Variants in DIAPH2 observed in about 807,000 individuals in gnomAD.
DIAPH2 encodes protein diaphanous homolog 2.
DIAPH2 carries 35 observed loss-of-function variants against 92.7 expected under a neutral mutation model. The observed-to-expected ratio is 0.38, with a 90% CI of 0.29 to 0.50. DIAPH2 has a LOEUF of 0.50. DIAPH2 is among the 20% of genes least tolerant of loss of function. The pLI, the probability that DIAPH2 is intolerant of heterozygous loss-of-function variation, is 0.94. For missense variants in DIAPH2, 701 were observed against 819.5 expected (o/e 0.86, Z 1.77); for synonymous variants, 301 against 280.4 (o/e 1.07, Z -0.73).
intron 23 of DIAPH2, among the ~76,000 whole-genome samples, chrX:97,277,804 G>C (rs1029961991): frequency 7.1e-5 from 8 of 112,075 alleles, no homozygotes; most frequent in Non-Finnish European, 1.3e-4. Context: ...TTGTAGAAAT[G>C]ACTATAGCCG....
chrX:97,304,797 A>G (rs1360717320), intron 23 of DIAPH2, among the ~76,000 whole-genome samples: 4 of 112,278 alleles, frequency 3.6e-5, no homozygotes, highest in East Asian at 2.8e-4. Context: ...AGTCATTGCA[A>G]TGTTGTAAAG....
chrX:97,066,015 C>A (rs1469552959), intron 17 of DIAPH2, among the ~76,000 whole-genome samples: 4 of 111,792 alleles, frequency 3.6e-5, no homozygotes, highest in Non-Finnish European at 7.5e-5. Context: ...AGTGTGATTA[C>A]AAGAGTCAAA....
intron 14 of DIAPH2, among the ~76,000 whole-genome samples, chrX:96,948,149 A>G (rs931632044): frequency 1.8e-5 from 2 of 112,742 alleles, no homozygotes; most frequent in Admixed American, 9.4e-5. Context: ...AACAATTCCA[A>G]TTTGTATTAA....
At chrX:97,463,187 A>T (rs1409445632) in intron 26 of DIAPH2, among the ~76,000 whole-genome samples, 1 of 108,628 alleles carries the variant, frequency 9.2e-6, no homozygotes, top group Non-Finnish European at 1.9e-5. Context: ...GACTTCACTT[A>T]TCCTCATCTA....
At chrX:97,445,932 A>G (rs1394173754) in intron 26 of DIAPH2, among the ~76,000 whole-genome samples, 2 of 109,685 alleles carry the variant, frequency 1.8e-5, no homozygotes, top group African/African-American at 6.6e-5. Flanking sequence ...ACCAAGAGCG[A>G]CGATACACAT....
At chrX:97,490,568 G>A (rs2070718854) in intron 26 of DIAPH2, among the ~76,000 whole-genome samples, 1 of 106,337 alleles carries the variant, frequency 9.4e-6, no homozygotes. Flanking sequence ...TCTTAGAATT[G>A]CTTTTGCTCT....
At chrX:97,129,089 ATCTTT>A (rs771560890) in intron 21 of DIAPH2, among the ~76,000 whole-genome samples, 885 of 64,354 alleles carry the variant, frequency 0.014, 21 homozygotes, top group Middle Eastern at 0.04. Context: ...TGTCTATACC[ATCTTT>A]TCTTTTCTTT....
At chrX:96,715,328 G>A (rs2147540842) in intron 1 of DIAPH2, among the ~76,000 whole-genome samples, 1 of 111,737 alleles carries the variant, frequency 8.9e-6, no homozygotes, top group African/African-American at 3.2e-5. Context: ...ATTCATTTTT[G>A]TGCAACAAAA....
chrX:96,912,003 G>A (rs902945251), intron 5 of DIAPH2, among the ~76,000 whole-genome samples: 3 of 111,824 alleles, frequency 2.7e-5, no homozygotes, highest in African/African-American at 9.8e-5. Flanking sequence ...ATCAAAGAGT[G>A]GAAGATAAGT....
intron 22 of DIAPH2, among the ~76,000 whole-genome samples, chrX:97,196,122 G>A (rs2067701257): frequency 9.0e-6 from 1 of 111,242 alleles, no homozygotes; most frequent in African/African-American, 3.3e-5. Context: ...GGAAACACAT[G>A]GGGACAATTA....
intron 4 of DIAPH2, among the ~76,000 whole-genome samples, chrX:96,779,130 C>A (rs982428899): frequency 3.6e-5 from 4 of 111,977 alleles, no homozygotes; most frequent in African/African-American, 1.3e-4. Context: ...TTCATTGTTA[C>A]TTCTGTATTT....
chrX:96,785,034 T>A (rs184411044), intron 4 of DIAPH2, among the ~76,000 whole-genome samples: 1 of 112,209 alleles, frequency 8.9e-6, no homozygotes, highest in East Asian at 2.8e-4. Context: ...ACAAAAATAG[T>A]ATTTATTTCC....
At chrX:97,459,161 A>G (rs1488716091) in intron 26 of DIAPH2, among the ~76,000 whole-genome samples, 4 of 112,310 alleles carry the variant, frequency 3.6e-5, no homozygotes, top group African/African-American at 6.5e-5. Context: ...ATATGCATCT[A>G]TGCTATTCTC....
Position 96,994,250 on chromosome X carries a change from A to AT in DIAPH2, c.2050+29043_2050+29044insT, listed in dbSNP as rs763858388. ...TAAATATTTAGAAAGTGAACTTAAC[A>AT]GTTAATTAGTGACATATTAAACTTG... On this transcript the variant is annotated intron_variant, in intron 17 of 26. Coordinates refer to ENST00000324765, the MANE Select transcript of DIAPH2 (RefSeq NM_006729.5). Among the ~76,000 whole-genome samples the AT allele has an allele frequency of 8.9e-5, 10 of 111,879 alleles. No homozygotes were observed. The South Asian group carries it at 3.8e-3, about 42-fold the overall frequency.
At chrX:97,051,649 G>T (rs1245978774) in intron 17 of DIAPH2, among the ~76,000 whole-genome samples, 2 of 110,506 alleles carry the variant, frequency 1.8e-5, no homozygotes, top group African/African-American at 3.3e-5. Context: ...ATAATGTGGG[G>T]TTCTTTAATT....
intron 17 of DIAPH2, among the ~76,000 whole-genome samples, chrX:97,038,917 T>C (rs1472051416): frequency 1.8e-5 from 2 of 111,589 alleles, no homozygotes; most frequent in Non-Finnish European, 3.8e-5. Context: ...AATAGTCTTG[T>C]ATATAAATCC....
At chrX:97,115,523 A>T (rs2067010637) in intron 21 of DIAPH2, among the ~76,000 whole-genome samples, 1 of 111,425 alleles carries the variant, frequency 9.0e-6, no homozygotes, top group Admixed American at 9.6e-5. Context: ...GCAACAGAGC[A>T]AGACTCTGTC....
At chrX:96,919,930 C>T (rs2065531074) in intron 9 of DIAPH2, among the ~76,000 whole-genome samples, 1 of 109,303 alleles carries the variant, frequency 9.1e-6, no homozygotes, top group African/African-American at 3.3e-5. Context: ...GTTGCTCAGG[C>T]TGGAGTGCGA....
chrX:97,283,817 C>G (rs1011729486), intron 23 of DIAPH2, among the ~76,000 whole-genome samples: 1 of 112,145 alleles, frequency 8.9e-6, no homozygotes, highest in Non-Finnish European at 1.9e-5. Context: ...TGGCCCATGC[C>G]TGTAATTCCA....
Sources: allele counts gnomAD v4.1 joint callset (sites outside exome capture counted in the v4.1 genomes callset), GRCh38; gene constraint gnomAD v4.1.1; transcripts MANE v1.5; gene names NCBI Gene and HGNC (gene_info 2026-07-23, HGNC 2026-07-21).